The following RBFOX1 variants were observed in gnomAD, a reference collection of about 807,000 sequenced individuals.
RBFOX1 encodes the protein RNA binding fox-1 homolog 1.
RBFOX1 carries 8 observed loss-of-function variants against 57.7 expected under a neutral mutation model. The observed-to-expected ratio is 0.14, with a 90% CI of 0.08 to 0.25. The LOEUF (loss-of-function observed/expected upper bound fraction) is 0.25. RBFOX1 is among the 10% of genes least tolerant of loss of function. RBFOX1 has a pLI of 1.00. For missense variants in RBFOX1, 611 were observed against 548.5 expected (o/e 1.11, Z -1.14); for synonymous variants, 326 against 222.4 (o/e 1.47, Z -4.15).
At chr16:5,918,339 C>CGAACTT (rs1179088149) in intron 4 of RBFOX1, among the ~76,000 whole-genome samples, 1 of 152,134 alleles carries the variant, frequency 6.6e-6, no homozygotes, top group Non-Finnish European at 1.5e-5. Context: ...AGGCTGGTCT[C>CGAACTT]GAACTTCTGA....
At chr16:6,677,603 TTCAA>T (rs2154118040) in intron 3 of RBFOX1, among the ~76,000 whole-genome samples, 1 of 152,336 alleles carries the variant, frequency 6.6e-6, no homozygotes, top group South Asian at 2.1e-4. Flanking sequence ...GCCTTACATT[TTCAA>T]TCAAAGATAA....
chr16:6,367,774 G>C (rs1190519886), intron 2 of RBFOX1, among the ~76,000 whole-genome samples: 2 of 148,302 alleles, frequency 1.3e-5, no homozygotes, highest in Non-Finnish European at 3.0e-5. Context: ...TAGGGAAAAT[G>C]ATGCCAGGAG....
chr16:7,295,994 T>G (rs1038515170), intron 4 of RBFOX1, among the ~76,000 whole-genome samples: 24 of 152,218 alleles, frequency 1.6e-4, no homozygotes, highest in African/African-American at 5.8e-4. Flanking sequence ...CTAAAGAGTG[T>G]AACTATTAAT....
At chr16:6,994,952 T>C (rs1183534664) in intron 3 of RBFOX1, among the ~76,000 whole-genome samples, 3 of 151,474 alleles carry the variant, frequency 2.0e-5, no homozygotes, top group African/African-American at 7.3e-5. Context: ...ATTTTGTGTG[T>C]GTGTGTGTGT....
intron 2 of RBFOX1, among the ~76,000 whole-genome samples, chr16:5,501,205 C>T (rs1374377751): frequency 6.7e-6 from 1 of 149,314 alleles, no homozygotes; most frequent in Non-Finnish European, 1.5e-5. Flanking sequence ...GTAATCCCAG[C>T]TACTAGGGTG....
chr16:5,525,499 T>TTTTTTA (rs902164920), intron 2 of RBFOX1, among the ~76,000 whole-genome samples: 1 of 142,336 alleles, frequency 7.0e-6, no homozygotes, highest in African/African-American at 2.6e-5. Context: ...CTATTTTTTT[T>TTTTTTA]TTTTTTTTTT....
intron 3 of RBFOX1, among the ~76,000 whole-genome samples, chr16:5,786,561 G>A (rs533196710): frequency 2.0e-5 from 3 of 152,266 alleles, no homozygotes; most frequent in African/African-American, 7.2e-5. Flanking sequence ...GGGGAACAGA[G>A]CTTGCTCTGT....
intron 3 of RBFOX1, among the ~76,000 whole-genome samples, chr16:5,850,603 A>G (rs1049204546): frequency 1.3e-5 from 2 of 152,122 alleles, no homozygotes; most frequent in African/African-American, 4.8e-5. Context: ...TCCCAGAACT[A>G]TTTTCGGTGT....
intron 2 of RBFOX1, among the ~76,000 whole-genome samples, chr16:5,575,698 AT>A (rs2151143108): frequency 6.6e-6 from 1 of 152,300 alleles, no homozygotes; most frequent in African/African-American, 2.4e-5. Context: ...TGAATAATCC[AT>A]TTGCCTTGCT....
chr16:6,559,408 C>A (rs2153903330), intron 2 of RBFOX1, among the ~76,000 whole-genome samples: 1 of 152,134 alleles, frequency 6.6e-6, no homozygotes, highest in East Asian at 1.9e-4. Context: ...CCACACACAG[C>A]TGCTAGTACC....
At chr16:7,298,442 C>G (rs1029358574) in intron 4 of RBFOX1, among the ~76,000 whole-genome samples, 1 of 152,066 alleles carries the variant, frequency 6.6e-6, no homozygotes, top group African/African-American at 2.4e-5. Context: ...ATGCGTGCGA[C>G]TATGCCTGAG....
At chr16:5,319,701 A>C (rs2064347880) in intron 1 of RBFOX1, among the ~76,000 whole-genome samples, 2 of 152,198 alleles carry the variant, frequency 1.3e-5, no homozygotes, top group African/African-American at 4.8e-5. Context: ...GTCACACTAG[A>C]GGCTGCAATC....
At chr16:6,807,471 G>C (rs575083362) in intron 3 of RBFOX1, among the ~76,000 whole-genome samples, 2 of 152,012 alleles carry the variant, frequency 1.3e-5, no homozygotes, top group Admixed American at 6.6e-5. Flanking sequence ...CACAGGGCTG[G>C]GGTCCTGAGT....
chr16:7,420,652 GC>G, intron 4 of RBFOX1, among the ~76,000 whole-genome samples: 1 of 150,744 alleles, frequency 6.6e-6, no homozygotes, highest in South Asian at 2.1e-4. Context: ...TTTTCATGCT[GC>G]CAGGTTGAAT....
At position 6,429,665 on chromosome 16, in the gene RBFOX1, A is replaced by G. The variant is rs542150191; in HGVS notation, c.-64+112608A>G. Among the ~76,000 whole-genome samples, 116 of 152,170 alleles carry G rather than the reference A, an allele frequency of 7.6e-4. 1 individual carries two copies. The highest frequency in any genetic ancestry group is 2.8e-3 in the African/African-American group (115 of 41,498). On this transcript the variant is annotated intron_variant, in intron 2 of 15. Coordinates refer to ENST00000550418, the MANE Select transcript of RBFOX1 (RefSeq NM_018723.4). ...GAATCATGGGGGCAGTTTCCGCCCT[A>G]CTCTTCTCATGGGAGTGAATAAGTC... is the stretch of plus-strand genomic sequence containing the variant.
chr16:7,151,974 C>G (rs1444014256), intron 4 of RBFOX1, among the ~76,000 whole-genome samples: 1 of 152,150 alleles, frequency 6.6e-6, no homozygotes, highest in Non-Finnish European at 1.5e-5. Flanking sequence ...CTGCTTACCT[C>G]CTGCTGTGTG....
chr16:7,345,886 G>T (rs1031975230), intron 4 of RBFOX1, among the ~76,000 whole-genome samples: 3 of 152,018 alleles, frequency 2.0e-5, no homozygotes, highest in Non-Finnish European at 4.4e-5. Context: ...GTGCAGGTTT[G>T]TTACATACAT....
intron 2 of RBFOX1, among the ~76,000 whole-genome samples, chr16:6,643,520 CCAA>C (rs956931149): frequency 6.6e-6 from 1 of 152,134 alleles, no homozygotes; most frequent in African/African-American, 2.4e-5. Flanking sequence ...GAAATTTTTA[CCAA>C]CATCAGAGTT....
At chr16:7,517,386 G>A (rs144512145) in intron 4 of RBFOX1, among the ~76,000 whole-genome samples, 29 of 152,152 alleles carry the variant, frequency 1.9e-4, no homozygotes, top group African/African-American at 6.7e-4. Context: ...AAGGCAGGGA[G>A]GGAGAGGCAT....
Sources: gnomAD v4.1 joint callset for allele counts (sites outside exome capture counted in the v4.1 genomes callset) on GRCh38, gnomAD v4.1.1 for gene constraint, MANE v1.5 for transcripts, NCBI Gene and HGNC (gene_info 2026-07-23, HGNC 2026-07-21) for gene names.